CDC20B: variants seen among roughly 807,000 people sequenced by gnomAD.
CDC20B encodes the protein cell division cycle 20B.
CDC20B carries 58 observed loss-of-function variants against 64.1 expected under a neutral mutation model. The ratio of observed to expected loss-of-function variants is 0.90; its 90% CI spans 0.73 to 1.13. The LOEUF (loss-of-function observed/expected upper bound fraction) is 1.13. Among genes scored for constraint, CDC20B ranks in the 50% most tolerant of loss-of-function variants. CDC20B has a pLI of 0.00. For synonymous variants in CDC20B, 243 were observed against 230.6 expected (o/e 1.05, Z -0.49); for missense variants, 597 against 633.0 (o/e 0.94, Z 0.61).
intron 5 of CDC20B, chr5:55,136,731 T>C (rs910482330): frequency 6.6e-6 from 1 of 152,160 alleles, no homozygotes; most frequent in Non-Finnish European, 1.5e-5. Flanking sequence ...TTCCTTGGCA[T>C]TTATGAAATG....
Position 55,114,956 on chromosome 5 carries a change from C to T in CDC20B, c.1460-638G>A, listed in dbSNP as rs1003577695. 6.6e-6 allele frequency among the ~76,000 whole-genome samples: 1 copy of T among 152,158 alleles called. No individual in the cohort carries two copies. The highest frequency in any genetic ancestry group is 1.5e-5 in the Non-Finnish European group (1 of 68,022). The stretch of plus-strand genomic sequence containing the variant: ...TATCCTTTAGGAGACCATTTATCAG[C>T]CTACCACACCCTTCATGCCCTATAC... On this transcript the variant is annotated intron_variant, in intron 11 of 11. Coordinates refer to ENST00000381375, the MANE Select transcript of CDC20B (RefSeq NM_001170402.1). The surrounding 1 kb of genome is among the most constrained non-coding windows in gnomAD (Gnocchi z 4.1).
chr5:55,161,774 G>A (rs539609837), intron 2 of CDC20B, among the ~76,000 whole-genome samples: 1 of 152,314 alleles, frequency 6.6e-6, no homozygotes, highest in East Asian at 1.9e-4. Context: ...TCAGAGGGCA[G>A]TAGTGTTAGG....
chr5:55,142,598 G>A (rs1455022450), intron 4 of CDC20B, among the ~76,000 whole-genome samples: 21 of 152,108 alleles, frequency 1.4e-4, no homozygotes, highest in Admixed American at 1.3e-3. Context: ...AAACACAGGA[G>A]TGTCAATAAT....
intron 2 of CDC20B, chr5:55,166,049 C>A (rs1220259333): frequency 6.6e-6 from 1 of 152,244 alleles, no homozygotes; most frequent in African/African-American, 2.4e-5. Flanking sequence ...GCTCAGGTGG[C>A]CCCTCCAAGT....
intron 3 of CDC20B, among the ~76,000 whole-genome samples, chr5:55,145,368 T>C (rs1561295601): frequency 6.6e-6 from 1 of 152,244 alleles, no homozygotes; most frequent in East Asian, 1.9e-4. Context: ...TCTGATGTCA[T>C]TGAAAAGAGT....
chr5:55,146,950 AC>A, intron 2 of CDC20B, 94 bp from the exon 3 acceptor site: 1 of 634,014 alleles, frequency 1.6e-6, no homozygotes, highest in Non-Finnish European at 2.6e-6. Context: ...CTCATCTAGT[AC>A]AACACCAATA....
At chr5:55,141,005 G>C (rs1743313790) in intron 4 of CDC20B, among the ~76,000 whole-genome samples, 1 of 152,150 alleles carries the variant, frequency 6.6e-6, no homozygotes, top group Non-Finnish European at 1.5e-5. Context: ...ATTCTGTTTT[G>C]CTTCTTCACA....
intron 3 of CDC20B, 70 bp from the exon 4 acceptor site, chr5:55,143,713 C>T: frequency 6.9e-7 from 1 of 1,439,958 alleles, no homozygotes; most frequent in Non-Finnish European, 9.4e-7. Flanking sequence ...GTAGGTCTGG[C>T]TGTGGCATCT....
At chr5:55,151,056 T>C (rs1485266206) in intron 2 of CDC20B, among the ~76,000 whole-genome samples, 2 of 152,174 alleles carry the variant, frequency 1.3e-5, no homozygotes, top group Admixed American at 1.3e-4. Context: ...ACTCGAACTT[T>C]CATTTCCCCA....
At chr5:55,139,701 G>A (rs1743278295) in intron 5 of CDC20B, among the ~76,000 whole-genome samples, 1 of 152,104 alleles carries the variant, frequency 6.6e-6, no homozygotes, top group South Asian at 2.1e-4. Context: ...TGTGATATAA[G>A]CATGTCGAGA....
Position 55,134,937 on chromosome 5 carries a change from T to C in CDC20B, c.581-1409A>G, listed in dbSNP as rs148970916. On this transcript the variant is annotated intron_variant, in intron 5 of 11. Transcript: ENST00000381375. ...AAAGCAGTGAGCATTTTTAGGGAAA[T>C]GAAACTATTCTGTATACTATAATAG... Among the ~76,000 whole-genome samples the C allele has an allele frequency of 2.6e-5, 4 of 152,176 alleles. No individual in the cohort carries two copies. In the East Asian group the frequency reaches 7.7e-4, roughly 29 times the overall value.
intron 2 of CDC20B, chr5:55,163,991 T>C (rs1744234964): frequency 1.6e-6 from 2 of 1,227,500 alleles, no homozygotes; most frequent in Admixed American, 2.2e-5. Flanking sequence ...CAGATACTAA[T>C]AGAAGTGAAA....
At chr5:55,137,780 G>A (rs1430400691) in intron 5 of CDC20B, 1 of 423,022 alleles carries the variant, frequency 2.4e-6, no homozygotes, top group Non-Finnish European at 4.7e-6. Context: ...AACACTATGG[G>A]AGTGAATATA....
intron 2 of CDC20B, among the ~76,000 whole-genome samples, chr5:55,163,309 C>G (rs573189665): frequency 2.0e-5 from 3 of 152,014 alleles, no homozygotes; most frequent in Admixed American, 6.5e-5. Context: ...CACTTTAGTG[C>G]CCAGGAGTTC....
At position 55,119,745 on chromosome 5, in the gene CDC20B, C is replaced by T. The variant is rs1026301745; in HGVS notation, c.1459+56G>A. 10 of 1,078,084 alleles carry T rather than the reference C, an allele frequency of 9.3e-6. No homozygotes were observed. In the African/African-American group the frequency reaches 1.4e-4, roughly 15 times the overall value. The allele number at this position is 1,078,084 out of a possible 1,614,324, so 66.8% of individuals were successfully genotyped here. ...ATCTTTCATTCAGGGCTTTTCCCCC[C>T]AACAACAGCTCACTTTGCTATAGGT... On this transcript the variant is annotated intron_variant, in intron 11 of 11. Transcript: ENST00000381375.
chr5:55,155,130 A>T (rs1490370322), intron 2 of CDC20B, among the ~76,000 whole-genome samples: 1 of 152,170 alleles, frequency 6.6e-6, no homozygotes, highest in Non-Finnish European at 1.5e-5. Flanking sequence ...GGGATGAATG[A>T]CTCGGTACTC....
At chr5:55,167,106 G>A (rs12657420) in intron 2 of CDC20B, 13,668 of 152,142 alleles carry the variant, frequency 0.09, 747 homozygotes, top group East Asian at 0.26. Flanking sequence ...TTCAGCTGTC[G>A]TTCTTGTGAA....
chr5:55,117,209 C>T (rs1742644047), intron 11 of CDC20B, among the ~76,000 whole-genome samples: 1 of 152,054 alleles, frequency 6.6e-6, no homozygotes, highest in Non-Finnish European at 1.5e-5. Context: ...TCATAAGTTA[C>T]CTTTCTTCTG....
Position 55,150,514 on chromosome 5 carries a change from G to A in CDC20B, c.127-3658C>T, listed in dbSNP as rs146312964. 2.1e-3 allele frequency among the ~76,000 whole-genome samples: 319 copies of A among 152,318 alleles called. 1 individual carries two copies. The highest frequency in any genetic ancestry group is 7.0e-3 in the African/African-American group (293 of 41,576). On this transcript the variant is annotated intron_variant, in intron 2 of 11. Transcript: ENST00000381375. Reference sequence around the variant, plus strand: ...CAGCTGACCAAAGAGAACTTCTTTCGCAGAAGACAGGAGCCAAGAGGCTGA... The same window carrying A: ...CAGCTGACCAAAGAGAACTTCTTTCACAGAAGACAGGAGCCAAGAGGCTGA...
Sources: gnomAD v4.1 joint callset for allele counts (sites outside exome capture counted in the v4.1 genomes callset) on GRCh38, gnomAD v4.1.1 for gene constraint, Gnocchi (gnomAD v3.1) non-coding constraint, MANE v1.5 for transcripts, NCBI Gene and HGNC (gene_info 2026-07-23, HGNC 2026-07-21) for gene names.